Variants in GRM5 observed in about 807,000 individuals in gnomAD.
GRM5 encodes metabotropic glutamate receptor 5.
A neutral mutation model predicts 83.1 loss-of-function variants in GRM5; 19 were observed. That is an observed-to-expected ratio of 0.23 (90% CI 0.16 to 0.34). GRM5 has a LOEUF of 0.34. Among genes scored for constraint, GRM5 ranks in the 10% least tolerant of loss-of-function variants. The probability of loss-of-function intolerance (pLI) is 1.00; values close to 1 mark genes in which losing one functional copy is unlikely to be tolerated. For missense variants in GRM5, 1,160 were observed against 1,588.3 expected (o/e 0.73, Z 4.58); for synonymous variants, 675 against 633.6 (o/e 1.07, Z -0.98).
At chr11:89,028,663 G>A (rs1941188421) in intron 2 of GRM5, among the ~76,000 whole-genome samples, 1 of 152,162 alleles carries the variant, frequency 6.6e-6, no homozygotes, top group African/African-American at 2.4e-5. Flanking sequence ...CATGACGAAA[G>A]TGTTTGGTAA....
chr11:88,930,624 T>G (rs1423465687), intron 2 of GRM5, among the ~76,000 whole-genome samples: 2 of 152,108 alleles, frequency 1.3e-5, no homozygotes, highest in Non-Finnish European at 2.9e-5. Flanking sequence ...GGTTGCTCAC[T>G]GCAACCTCTG....
Position 88,520,739 on chromosome 11 carries a change from C to T in GRM5, c.2726+4570G>A, listed in dbSNP as rs530076105. Among the ~76,000 whole-genome samples the T allele has an allele frequency of 4.6e-5, 7 of 152,178 alleles. No homozygotes were observed. In the East Asian group the frequency reaches 1.3e-3, roughly 29 times the overall value. ...AATAATTGAATGAATGAAAGGCAAT[C>T]CTAACACAAGACATTGTATTTGGGG... is the stretch of plus-strand genomic sequence containing the variant. On this transcript the variant is annotated intron_variant, in intron 9 of 9. Coordinates refer to ENST00000305447, the MANE Select transcript of GRM5 (RefSeq NM_001143831.3).
intron 2 of GRM5, among the ~76,000 whole-genome samples, chr11:89,023,090 C>CACT (rs1337906254): frequency 1.3e-5 from 2 of 152,062 alleles, no homozygotes; most frequent in Non-Finnish European, 2.9e-5. Flanking sequence ...GTTACTGTAT[C>CACT]ACTGCACCCT....
Position 88,508,310 on chromosome 11 carries a change from A to C in GRM5, c.*282T>G. Reference sequence around the variant, plus strand: ...CCTAGAGCAAAGCACTTGGTATGGAACTGTTTGAAGAGACGCCTTGTCAGC... The same window carrying C: ...CCTAGAGCAAAGCACTTGGTATGGACCTGTTTGAAGAGACGCCTTGTCAGC... On this transcript the variant is annotated 3_prime_UTR_variant, in exon 10 of 10. Coordinates refer to ENST00000305447, the MANE Select transcript of GRM5 (RefSeq NM_001143831.3). The surrounding 1 kb of genome is among the most constrained non-coding windows in gnomAD (Gnocchi z 4.2). 9.6e-6 allele frequency: 3 copies of C among 312,672 alleles called. No individual in the cohort carries two copies. The highest frequency in any genetic ancestry group is 5.8e-6 in the Non-Finnish European group (1 of 171,566). 19.4% of individuals were successfully genotyped at this position (312,672 alleles called of 1,614,324 possible).
chr11:88,726,485 A>C (rs1167965970), intron 3 of GRM5, among the ~76,000 whole-genome samples: 2 of 152,236 alleles, frequency 1.3e-5, no homozygotes, highest in Admixed American at 1.3e-4. Context: ...ATCCAGGAGA[A>C]CTTCTCCAAC....
chr11:88,949,304 T>C (rs1938380204), intron 2 of GRM5, among the ~76,000 whole-genome samples: 1 of 152,240 alleles, frequency 6.6e-6, no homozygotes, highest in South Asian at 2.1e-4. Context: ...CAGCTCTGGA[T>C]ATCTTCCATC....
At chr11:88,597,919 C>A (rs1403860806) in intron 5 of GRM5, among the ~76,000 whole-genome samples, 2 of 152,076 alleles carry the variant, frequency 1.3e-5, no homozygotes, top group African/African-American at 4.8e-5. Context: ...GCAATGTAAA[C>A]ATCCTGGAAG....
At chr11:88,795,841 T>C (rs1009484214) in intron 3 of GRM5, among the ~76,000 whole-genome samples, 6 of 152,068 alleles carry the variant, frequency 3.9e-5, no homozygotes, top group Non-Finnish European at 7.4e-5. Context: ...AAACAACGAG[T>C]TTAATAGTTG....
chr11:88,708,664 G>T (rs546337970), intron 3 of GRM5, among the ~76,000 whole-genome samples: 1 of 152,042 alleles, frequency 6.6e-6, no homozygotes, highest in Non-Finnish European at 1.5e-5. Flanking sequence ...AACATTCAGG[G>T]TTTAGTAAAT....
At chr11:88,843,589 T>G (rs577913209) in intron 3 of GRM5, among the ~76,000 whole-genome samples, 9 of 152,260 alleles carry the variant, frequency 5.9e-5, no homozygotes, top group African/African-American at 2.2e-4. Flanking sequence ...TTAGGCTAAT[T>G]AATAGCCCTA....
chr11:88,847,191 T>C (rs1415440623), intron 3 of GRM5, among the ~76,000 whole-genome samples: 1 of 152,224 alleles, frequency 6.6e-6, no homozygotes, highest in African/African-American at 2.4e-5. Flanking sequence ...GTGTATAAAA[T>C]AGAATAGTAC....
intron 8 of GRM5, among the ~76,000 whole-genome samples, chr11:88,532,530 G>A (rs1942036643): frequency 6.6e-6 from 1 of 152,126 alleles, no homozygotes; most frequent in African/African-American, 2.4e-5. Flanking sequence ...AAACATGGAA[G>A]TGCAGAGACT....
chr11:88,981,671 A>G (rs1202783119), intron 2 of GRM5, among the ~76,000 whole-genome samples: 2 of 152,194 alleles, frequency 1.3e-5, no homozygotes, highest in Admixed American at 6.5e-5. Context: ...TCAGATTATA[A>G]AATTGAAATA....
chr11:88,541,944 A>G (rs546759219), intron 8 of GRM5, among the ~76,000 whole-genome samples: 109 of 152,232 alleles, frequency 7.2e-4, no homozygotes, highest in African/African-American at 2.5e-3. Flanking sequence ...TTCTTGTGAG[A>G]TCTAAAGGTT....
chr11:88,749,369 T>C (rs1285445021), intron 3 of GRM5, among the ~76,000 whole-genome samples: 1 of 152,044 alleles, frequency 6.6e-6, no homozygotes, highest in Non-Finnish European at 1.5e-5. Flanking sequence ...TTTCTGAAAT[T>C]TGACAGACAG....
At chr11:88,874,037 C>G (rs993433630) in intron 2 of GRM5, among the ~76,000 whole-genome samples, 1 of 151,568 alleles carries the variant, frequency 6.6e-6, no homozygotes. Context: ...CACAGAAAAA[C>G]TGAACACCTG....
At chr11:89,049,468 T>G (rs950947969) in intron 1 of GRM5, among the ~76,000 whole-genome samples, 1 of 152,160 alleles carries the variant, frequency 6.6e-6, no homozygotes, top group African/African-American at 2.4e-5. Flanking sequence ...GCACCAACTT[T>G]CAAATACAGG....
chr11:88,810,981 A>G (rs1006770522), intron 3 of GRM5, among the ~76,000 whole-genome samples: 1 of 152,154 alleles, frequency 6.6e-6, no homozygotes, highest in East Asian at 1.9e-4. Flanking sequence ...CGGGAACAAG[A>G]CTATCTCAGA....
chr11:88,768,579 G>A (rs896824035), intron 3 of GRM5, among the ~76,000 whole-genome samples: 7 of 151,620 alleles, frequency 4.6e-5, no homozygotes, highest in African/African-American at 1.2e-4. Flanking sequence ...ACTTAACAAT[G>A]TTGAATATGA....
Sources: allele counts gnomAD v4.1 joint callset (sites outside exome capture counted in the v4.1 genomes callset), GRCh38; gene constraint gnomAD v4.1.1; non-coding constraint Gnocchi (gnomAD v3.1); transcripts MANE v1.5; gene names NCBI Gene and HGNC (gene_info 2026-07-23, HGNC 2026-07-21).